LYRM4: variants seen among roughly 807,000 people sequenced by gnomAD.
LYRM4 encodes the protein LYR motif containing 4, also known as LYR motif-containing protein 4.
Under a neutral mutation model 11.7 loss-of-function variants are expected in LYRM4, and 9 were observed. That is an observed-to-expected ratio of 0.77 (90% CI 0.46 to 1.34). The LOEUF (loss-of-function observed/expected upper bound fraction) is 1.34, where lower values mean the gene tolerates loss of function less well. Among genes scored for constraint, LYRM4 ranks in the 40% most tolerant of loss-of-function variants. The pLI is 0.00. For synonymous variants in LYRM4, 42 were observed against 40.4 expected (o/e 1.04, Z -0.15); for missense variants, 133 against 112.5 (o/e 1.18, Z -0.82).
the LYRM4 span, among the ~76,000 whole-genome samples, chr6:5,080,713 T>C: frequency 3.3e-5 from 5 of 152,220 alleles, no homozygotes; most frequent in Non-Finnish European, 7.3e-5. Flanking sequence ...GAATGCTACC[T>C]ATGGAATCCG....
downstream of LYRM4, among the ~76,000 whole-genome samples, chr6:5,101,805 C>T (rs532776979): frequency 8.6e-5 from 13 of 151,644 alleles, no homozygotes; most frequent in South Asian, 8.4e-4. Flanking sequence ...ACCATTTTAT[C>T]TTTCCCTCTC....
At chr6:5,200,140 A>G (rs1207076857) in intron 2 of LYRM4, among the ~76,000 whole-genome samples, 1 of 152,180 alleles carries the variant, frequency 6.6e-6, no homozygotes, top group Non-Finnish European at 1.5e-5. Flanking sequence ...TGCTATAAAT[A>G]TATAGGACAC....
chr6:5,103,627 GA>G (rs1762568211), downstream of LYRM4: 1 of 128,898 alleles, frequency 7.8e-6, no homozygotes. Flanking sequence ...CAATATCTGA[GA>G]TATTTTTTTT....
chr6:5,083,397 A>G, the LYRM4 span, among the ~76,000 whole-genome samples: 1 of 152,204 alleles, frequency 6.6e-6, no homozygotes, highest in Non-Finnish European at 1.5e-5. Flanking sequence ...TGGAGATGCC[A>G]TGCCCAAGTC....
chr6:5,161,205 G>GA (rs1210828805), intron 2 of LYRM4, among the ~76,000 whole-genome samples: 1 of 152,098 alleles, frequency 6.6e-6, no homozygotes, highest in Non-Finnish European at 1.5e-5. Context: ...ACTAGTGAAT[G>GA]AAAAACTATG....
At chr6:5,164,851 C>G (rs571654036) in intron 2 of LYRM4, among the ~76,000 whole-genome samples, 1 of 151,780 alleles carries the variant, frequency 6.6e-6, no homozygotes, top group Non-Finnish European at 1.5e-5. Context: ...ACCTGTGATC[C>G]CAGCTACTCA....
intron 2 of LYRM4, among the ~76,000 whole-genome samples, chr6:5,159,012 C>T (rs1214127648): frequency 1.3e-5 from 2 of 152,176 alleles, no homozygotes; most frequent in Non-Finnish European, 2.9e-5. Flanking sequence ...GGCTGGGCCA[C>T]ATGGGGGAGG....
intron 1 of LYRM4, among the ~76,000 whole-genome samples, chr6:5,232,274 A>G (rs935933246): frequency 2.6e-5 from 4 of 152,244 alleles, no homozygotes; most frequent in Admixed American, 6.5e-5. Context: ...GGTCATCCCT[A>G]TAACTTGCAA....
chr6:5,090,541 G>A, the LYRM4 span, among the ~76,000 whole-genome samples: 2 of 152,198 alleles, frequency 1.3e-5, no homozygotes, highest in Admixed American at 6.5e-5. The surrounding 1 kb of genome is among the most constrained non-coding windows in gnomAD (Gnocchi z 4.8). Flanking sequence ...CCTTTCAGGA[G>A]CAACTGGGAA....
intron 1 of LYRM4, among the ~76,000 whole-genome samples, chr6:5,258,895 C>T (rs1007431481): frequency 3.9e-5 from 6 of 152,112 alleles, no homozygotes; most frequent in African/African-American, 1.2e-4. Flanking sequence ...AATGATTTTC[C>T]TGTTGAGTTT....
chr6:5,225,219 G>C (rs960687800), intron 1 of LYRM4, among the ~76,000 whole-genome samples: 1 of 142,240 alleles, frequency 7.0e-6, no homozygotes, highest in Non-Finnish European at 1.5e-5. Context: ...CTGCGCTCCA[G>C]CCTGGGTGAC....
chr6:5,053,986 C>A, the LYRM4 span: 1 of 223,106 alleles, frequency 4.5e-6, no homozygotes, highest in African/African-American at 2.3e-5. Flanking sequence ...GAGAGTAACA[C>A]CTGTGCTCTT....
intron 2 of LYRM4, among the ~76,000 whole-genome samples, chr6:5,132,336 T>G (rs1056164992): frequency 6.6e-6 from 1 of 152,198 alleles, no homozygotes; most frequent in Non-Finnish European, 1.5e-5. Flanking sequence ...CCTGTGTACA[T>G]CTGCACAATT....
At chr6:5,090,790 C>T in the LYRM4 span, among the ~76,000 whole-genome samples, 133 of 152,280 alleles carry the variant, frequency 8.7e-4, no homozygotes, top group Non-Finnish European at 1.7e-3. This position sits in a 1 kb window ranked among gnomAD's most constrained non-coding sequence, Gnocchi z 4.8. Flanking sequence ...ATTCTTCATA[C>T]GTCATTTCAC....
chr6:5,180,721 G>T (rs1398934680), intron 2 of LYRM4, among the ~76,000 whole-genome samples: 1 of 152,158 alleles, frequency 6.6e-6, no homozygotes, highest in African/African-American at 2.4e-5. Context: ...TCACTGCAGC[G>T]ATGCTCTCGT....
chr6:5,217,308 A>C (rs1762330219), intron 1 of LYRM4, among the ~76,000 whole-genome samples: 2 of 152,212 alleles, frequency 1.3e-5, no homozygotes, highest in African/African-American at 4.8e-5. Flanking sequence ...AACCTGTGGA[A>C]TTAGGCCAAC....
At chr6:5,243,965 A>G (rs942209851) in intron 1 of LYRM4, among the ~76,000 whole-genome samples, 1 of 152,158 alleles carries the variant, frequency 6.6e-6, no homozygotes, top group Non-Finnish European at 1.5e-5. Flanking sequence ...TTACGTTCTT[A>G]TTTTTTAAAA....
intron 2 of LYRM4, among the ~76,000 whole-genome samples, chr6:5,151,383 T>C (rs1343631378): frequency 6.6e-6 from 1 of 152,142 alleles, no homozygotes; most frequent in East Asian, 1.9e-4. Flanking sequence ...GCACCCGGCC[T>C]CCAAAATGCC....
the LYRM4 span, chr6:5,085,759 A>C: frequency 2.6e-6 from 4 of 1,537,120 alleles, no homozygotes; most frequent in African/African-American, 5.5e-5. Flanking sequence ...CGCCGACCCC[A>C]TCTTGCAGGC....
Sources: allele counts gnomAD v4.1 joint callset (sites outside exome capture counted in the v4.1 genomes callset), GRCh38; gene constraint gnomAD v4.1.1; non-coding constraint Gnocchi (gnomAD v3.1); transcripts MANE v1.5; gene names NCBI Gene and HGNC (gene_info 2026-07-23, HGNC 2026-07-21).